AAK1: variants seen among roughly 807,000 people sequenced by gnomAD.
AAK1 encodes the protein AP2-associated protein kinase 1.
AAK1 carries 37 observed loss-of-function variants against 116.0 expected under a neutral mutation model. The observed-to-expected ratio is 0.32, with a 90% confidence interval of 0.25 to 0.42. The LOEUF is 0.42. Among genes scored for constraint, AAK1 ranks in the 10% least tolerant of loss-of-function variants. The pLI is 1.00. For missense variants in AAK1, 919 were observed against 1,170.6 expected, an observed-to-expected ratio of 0.79 and a Z score of 3.14; for synonymous variants, 458 against 439.9, an observed-to-expected ratio of 1.04 and a Z score of -0.51.
Position 69,480,970 on chromosome 2 carries a change from A to C in AAK1, c.2468-9T>G, listed in dbSNP as rs1426866625. ...AGCAACATCAGCTTTTTCTTTCGTA[A>C]CAGAGCATTAAGAAGAGGAAAGGGT... On this transcript the variant is annotated splice_polypyrimidine_tract_variant and intron_variant, in intron 18 of 21. Transcript: ENST00000409085. 6.3e-7 allele frequency: 1 copy of C among 1,589,436 alleles called. No individual in the cohort carries two copies. The highest frequency in any genetic ancestry group is 1.8e-5 in the Admixed American group (1 of 56,516).
At chr2:69,637,576 C>A (rs1163830042) in intron 2 of AAK1, among the ~76,000 whole-genome samples, 4 of 152,158 alleles carry the variant, frequency 2.6e-5, no homozygotes, top group Non-Finnish European at 5.9e-5. Context: ...CTAGATGCTA[C>A]TTTAATAGAC....
intron 2 of AAK1, among the ~76,000 whole-genome samples, chr2:69,565,554 T>G (rs1671826879): frequency 6.6e-6 from 1 of 152,192 alleles, no homozygotes; most frequent in African/African-American, 2.4e-5. Flanking sequence ...GGGTGCCAAC[T>G]GGTGTCCCCT....
rs1287849210 is a variant in AAK1, at chr2:69,458,625, T to C, written c.*17244A>G. 1 of 152,634 alleles carries C rather than the reference T, an allele frequency of 6.6e-6. No individual in the cohort carries two copies. The highest frequency in any genetic ancestry group is 1.5e-5 in the Non-Finnish European group (1 of 68,040). 9.5% of individuals were successfully genotyped at this position (152,634 alleles called of 1,614,324 possible). The stretch of plus-strand genomic sequence containing the variant: ...TACATTTACTCATGCCAAATACCTA[T>C]GGTCACTTCTCAGTACTCTTTGGAT... On this transcript the variant is annotated 3_prime_UTR_variant, in exon 22 of 22. Transcript: ENST00000409085.
intron 2 of AAK1, among the ~76,000 whole-genome samples, chr2:69,629,781 G>A (rs1285318554): frequency 2.6e-5 from 4 of 152,088 alleles, no homozygotes; most frequent in African/African-American, 7.3e-5. Flanking sequence ...GTACTCAATT[G>A]GATACAAAAT....
chr2:69,559,961 T>C (rs1208297355), intron 2 of AAK1, among the ~76,000 whole-genome samples: 6 of 152,182 alleles, frequency 3.9e-5, no homozygotes. Context: ...TCGCCTACCA[T>C]GCAATCCAGT....
Position 69,462,376 on chromosome 2 carries a change from T to TA in AAK1, c.*13492dup, listed in dbSNP as rs1180320501. On this transcript the variant is annotated 3_prime_UTR_variant, in exon 22 of 22. Transcript: ENST00000409085. Reference sequence around the variant, plus strand: ...TAAAACTTAAAGTATAATAATAATTTAAAAAAAAAAAAAGAATTTCTGGGC... The same window carrying TA: ...TAAAACTTAAAGTATAATAATAATTTAAAAAAAAAAAAAAGAATTTCTGGGC... 3.3e-4 allele frequency: 48 copies of TA among 144,922 alleles called. No individual in the cohort carries two copies. Among genetic ancestry groups the TA allele is most frequent in the East Asian group, 2.0e-3 (10 of 4,972 alleles). 9.0% of individuals were successfully genotyped at this position (144,922 alleles called of 1,614,324 possible). A position where few individuals can be genotyped will look rare whatever the true frequency, so the allele number is the denominator to read the frequency against.
At chr2:69,580,497 T>G (rs767679572) in intron 2 of AAK1, among the ~76,000 whole-genome samples, 1 of 152,178 alleles carries the variant, frequency 6.6e-6, no homozygotes, top group African/African-American at 2.4e-5. Flanking sequence ...AGAGAAAGTC[T>G]ATCTGCATTA....
intron 20 of AAK1, 46 bp from the exon 21 acceptor site, chr2:69,477,036 G>T: frequency 1.5e-6 from 2 of 1,331,874 alleles, no homozygotes; most frequent in Non-Finnish European, 2.1e-6. Context: ...CAGAGGCAGA[G>T]ATTAGCAAAT....
In AAK1 at chr2:69,466,714, C is replaced by T. The variant is rs138964274; in HGVS notation, c.*9155G>A. On this transcript the variant is annotated 3_prime_UTR_variant, in exon 22 of 22. Coordinates refer to ENST00000409085, the MANE Select transcript of AAK1 (RefSeq NM_014911.5). ...AAAAGTCAGGCAAGGAAACTGCACA[C>T]AAACTGGAACACAATCAACCACTGT... 1.8e-3 allele frequency: 1,814 copies of T among 985,372 alleles called. 24 individuals carry two copies. In the African/African-American group the frequency reaches 0.029, roughly 16 times the overall value. 61.0% of individuals were successfully genotyped at this position (985,372 alleles called of 1,614,324 possible). A position where few individuals can be genotyped will look rare whatever the true frequency, so the allele number is the denominator to read the frequency against.
intron 2 of AAK1, among the ~76,000 whole-genome samples, chr2:69,602,781 A>G (rs887308305): frequency 1.3e-5 from 2 of 152,180 alleles, no homozygotes; most frequent in African/African-American, 2.4e-5. Flanking sequence ...ATTGTGCCTC[A>G]CATAAACTAA....
Position 69,527,457 on chromosome 2 carries a change from C to T in AAK1, c.872-138G>A, listed in dbSNP as rs951306877. 7 of 596,706 alleles carry T rather than the reference C, an allele frequency of 1.2e-5. No individual in the cohort carries two copies. In the Admixed American group the frequency reaches 1.7e-4, roughly 14 times the overall value. The allele number at this position is 596,706 out of a possible 1,614,324, so 37.0% of individuals were successfully genotyped here. A position where few individuals can be genotyped will look rare whatever the true frequency, so the allele number is the denominator to read the frequency against. ...ATAGAAGTCAGACAGTATAATTATC[C>T]CCTTTTCTCTCCCTTAGAAAGAGAA... is the stretch of plus-strand genomic sequence containing the variant. On this transcript the variant is annotated intron_variant, in intron 8 of 21. Transcript: ENST00000409085.
chr2:69,639,363 T>C (rs1185872384), intron 2 of AAK1, among the ~76,000 whole-genome samples: 1 of 152,222 alleles, frequency 6.6e-6, no homozygotes, highest in African/African-American at 2.4e-5. Context: ...TCCCTTGATA[T>C]CATATGCCCA....
At chr2:69,622,864 G>A (rs1343309747) in intron 2 of AAK1, among the ~76,000 whole-genome samples, 1 of 152,072 alleles carries the variant, frequency 6.6e-6, no homozygotes, top group African/African-American at 2.4e-5. Flanking sequence ...GTCTAGCTCA[G>A]GGATTATAAA....
rs1433305615 is a variant in AAK1, at chr2:69,460,487, A to T, written c.*15382T>A. 1 of 152,506 alleles carries T rather than the reference A, an allele frequency of 6.6e-6. No homozygotes were observed. The highest frequency in any genetic ancestry group is 1.5e-5 in the Non-Finnish European group (1 of 68,040). 9.4% of individuals were successfully genotyped at this position (152,506 alleles called of 1,614,324 possible). On this transcript the variant is annotated 3_prime_UTR_variant, in exon 22 of 22. Transcript: ENST00000409085. ...ACCAAGCAGTTGAAAACACTGATGTACATGTATTCTAAAACTTACTAAATA... is the reference window on the plus strand; with the variant it reads ...ACCAAGCAGTTGAAAACACTGATGTTCATGTATTCTAAAACTTACTAAATA...
chr2:69,620,966 G>C (rs2105236626), intron 2 of AAK1, among the ~76,000 whole-genome samples: 1 of 152,302 alleles, frequency 6.6e-6, no homozygotes. Flanking sequence ...CAACTTTAAT[G>C]AAATAAAATT....
At chr2:69,603,901 C>G (rs1200268927) in intron 2 of AAK1, among the ~76,000 whole-genome samples, 3 of 152,144 alleles carry the variant, frequency 2.0e-5, no homozygotes, top group African/African-American at 7.2e-5. Context: ...GAATTGGAAA[C>G]CTGATGCACT....
In AAK1 at chr2:69,464,930, A is replaced by G. The variant is rs1674440099; in HGVS notation, c.*10939T>C. The G allele has an allele frequency of 6.4e-6, 1 of 155,954 alleles. No individual in the cohort carries two copies. The highest frequency in any genetic ancestry group is 1.4e-5 in the Non-Finnish European group (1 of 70,694). The allele number at this position is 155,954 out of a possible 1,614,324, so 9.7% of individuals were successfully genotyped here. A position where few individuals can be genotyped will look rare whatever the true frequency, so the allele number is the denominator to read the frequency against. On this transcript the variant is annotated 3_prime_UTR_variant, in exon 22 of 22. Transcript: ENST00000409085. ...CTTCCTGTTGATGTGCAGGGTTTTT[A>G]TCTTGCTCTTCTTTCCAGACATCTC... is the stretch of plus-strand genomic sequence containing the variant.
chr2:69,579,500 GC>G (rs1672455994), intron 2 of AAK1, among the ~76,000 whole-genome samples: 1 of 152,156 alleles, frequency 6.6e-6, no homozygotes, highest in African/African-American at 2.4e-5. Context: ...GATTGCTTGG[GC>G]CCGGGAGGTG....
chr2:69,507,062 C>T lies in AAK1; in HGVS notation c.2164+359G>A, dbSNP rs138831789. Among the ~76,000 whole-genome samples, 696 of 152,302 alleles carry T rather than the reference C, an allele frequency of 4.6e-3. 4 individuals carry two copies. The highest frequency in any genetic ancestry group is 0.016 in the African/African-American group (663 of 41,558). ...GACAAGCAGTGGCAACTTTCTGGGA[C>T]AGTAAACCAACCTAGGATGAGAGAA... On this transcript the variant is annotated intron_variant, in intron 15 of 21. Coordinates refer to ENST00000409085, the MANE Select transcript of AAK1 (RefSeq NM_014911.5).
Sources: allele counts gnomAD v4.1 joint callset (sites outside exome capture counted in the v4.1 genomes callset), GRCh38; gene constraint gnomAD v4.1.1; transcripts MANE v1.5; gene names NCBI Gene and HGNC (gene_info 2026-07-23, HGNC 2026-07-21).